Variants in AMMECR1 observed in about 807,000 individuals in gnomAD.
AMMECR1 encodes the protein nuclear protein AMMECR1.
In AMMECR1, 3 loss-of-function variants were observed where a neutral mutation model predicts 22.5. That is an observed-to-expected ratio of 0.13 (90% confidence interval 0.06 to 0.35). AMMECR1 has a LOEUF of 0.35. AMMECR1 is among the 10% of genes least tolerant of loss of function. AMMECR1 has a pLI of 1.00. For synonymous variants in AMMECR1, 130 were observed against 116.7 expected (o/e 1.11, Z -0.74); for missense variants, 235 against 278.7 (o/e 0.84, Z 1.12).
chrX:110,358,988 C>G (rs2068245059), intron 2 of AMMECR1: 1 of 112,011 alleles, frequency 8.9e-6, no homozygotes, highest in African/African-American at 3.2e-5. Flanking sequence ...CTGGTCTGCA[C>G]TGCTCTAAGT....
chrX:110,343,382 T>C (rs1475707391), intron 2 of AMMECR1, among the ~76,000 whole-genome samples: 4 of 111,314 alleles, frequency 3.6e-5, no homozygotes, highest in Non-Finnish European at 7.5e-5. Context: ...CCACAGCCAA[T>C]ATAATACTGA....
intron 2 of AMMECR1, among the ~76,000 whole-genome samples, chrX:110,392,641 C>T (rs1202343689): frequency 1.8e-5 from 2 of 111,112 alleles, no homozygotes; most frequent in Non-Finnish European, 1.9e-5. Context: ...CAAGGGCTCA[C>T]GCAAGAGTGC....
At chrX:110,423,627 G>C (rs2068734729) in intron 2 of AMMECR1, among the ~76,000 whole-genome samples, 1 of 112,324 alleles carries the variant, frequency 8.9e-6, no homozygotes, top group Non-Finnish European at 1.9e-5. Context: ...TTTGGGAGAA[G>C]GGTAGGAAAG....
intron 2 of AMMECR1, among the ~76,000 whole-genome samples, chrX:110,337,920 G>T (rs1436906164): frequency 8.9e-6 from 1 of 112,355 alleles, no homozygotes; most frequent in Non-Finnish European, 1.9e-5. Flanking sequence ...GCTACAGCAT[G>T]GGTGAACCTT....
intron 2 of AMMECR1, among the ~76,000 whole-genome samples, chrX:110,418,369 AG>A (rs1054759565): frequency 2.7e-5 from 3 of 112,344 alleles, no homozygotes; most frequent in Non-Finnish European, 5.6e-5. Flanking sequence ...CTGTGCTGAG[AG>A]CTGCGGTGAA....
chrX:110,378,128 T>C (rs149957477), intron 2 of AMMECR1, among the ~76,000 whole-genome samples: 1,402 of 111,750 alleles, frequency 0.013, 15 homozygotes, highest in Middle Eastern at 0.037. Flanking sequence ...ACATAAATCT[T>C]GCGTTATTCT....
intron 2 of AMMECR1, among the ~76,000 whole-genome samples, chrX:110,226,368 G>A (rs1331269553): frequency 8.9e-6 from 1 of 111,891 alleles, no homozygotes; most frequent in East Asian, 2.8e-4. Context: ...CACTTTGGGA[G>A]GCCAAGGCAG....
intron 2 of AMMECR1, among the ~76,000 whole-genome samples, chrX:110,377,966 G>A (rs1292888562): frequency 5.6e-5 from 5 of 89,225 alleles, no homozygotes; most frequent in African/African-American, 9.5e-5. Flanking sequence ...CCGAGATCGC[G>A]CCACTGCACT....
chrX:110,286,770 T>C (rs1261650987), intron 1 of AMMECR1, among the ~76,000 whole-genome samples: 1 of 110,842 alleles, frequency 9.0e-6, no homozygotes, highest in Non-Finnish European at 1.9e-5. Context: ...CATAAATTCA[T>C]TGGCCATCTG....
At chrX:110,265,031 G>C (rs1393781428) in intron 1 of AMMECR1, among the ~76,000 whole-genome samples, 1 of 111,335 alleles carries the variant, frequency 9.0e-6, no homozygotes, top group African/African-American at 3.3e-5. Context: ...TTATTTGTAA[G>C]TCTAATTTGG....
Position 110,202,495 on chromosome X carries a change from T to C in AMMECR1, c.741A>G (p.Lys247=). The C allele has an allele frequency of 8.3e-7, 1 of 1,206,298 alleles. No individual in the cohort carries two copies. The highest frequency in any genetic ancestry group is 1.8e-5 in the South Asian group (1 of 56,520). ...GGTAGGTGGCGGTGCGTTTTGATCC[T>C]TTTTCATTGATGAATTCTATTCTAA... ...HGIRIEFINE[K]GSKRTATYLP... Residue 247 remains lysine (K), a synonymous_variant, in exon 4 of 6, where the codon AAA becomes AAG. Transcript: ENST00000262844.
chrX:110,416,746 T>C (rs945736763), intron 2 of AMMECR1, among the ~76,000 whole-genome samples: 1 of 111,392 alleles, frequency 9.0e-6, no homozygotes, highest in African/African-American at 3.3e-5. Context: ...TCCTGTGGGG[T>C]TGGTGGGAAG....
intron 2 of AMMECR1, among the ~76,000 whole-genome samples, chrX:110,260,242 G>A (rs2067733215): frequency 9.0e-6 from 1 of 111,311 alleles, no homozygotes; most frequent in Non-Finnish European, 1.9e-5. Context: ...ATTTATAATA[G>A]TTCCATGTAC....
intron 2 of AMMECR1, among the ~76,000 whole-genome samples, chrX:110,408,430 T>C (rs2068617908): frequency 8.9e-6 from 1 of 112,401 alleles, no homozygotes. Flanking sequence ...ACTTGCAAAA[T>C]GAAAAATAGT....
At position 110,349,563 on chromosome X, in the gene AMMECR1, G is replaced by A. The variant is rs2206327; in HGVS notation, c.-147-31714C>T. Among the ~76,000 whole-genome samples the A allele has an allele frequency of 2.6e-3, 286 of 111,827 alleles. 2 individuals are homozygous for A. The highest frequency in any genetic ancestry group is 0.018 in the South Asian group (47 of 2,632). On this transcript the variant is annotated intron_variant, in intron 2 of 7. Transcript: ENST00000372057. ...TCAGCTGGTAAAAGCAGTTGGGCAG[G>A]AATTTCAACCTGGATTTATCTGGCT...
intron 2 of AMMECR1, among the ~76,000 whole-genome samples, chrX:110,385,766 CACCCAG>C (rs750132317): frequency 2.7e-5 from 3 of 110,787 alleles, no homozygotes; most frequent in Non-Finnish European, 5.7e-5. Context: ...CTGATCCCAT[CACCCAG>C]ACAGTGAGCA....
intron 1 of AMMECR1, among the ~76,000 whole-genome samples, chrX:110,273,453 G>C (rs927572646): frequency 2.7e-5 from 3 of 111,839 alleles, no homozygotes; most frequent in Non-Finnish European, 1.9e-5. Flanking sequence ...TAGGTTCTCT[G>C]TTTACTCTGT....
intron 1 of AMMECR1, among the ~76,000 whole-genome samples, chrX:110,427,279 C>G (rs1426828470): frequency 8.9e-6 from 1 of 112,049 alleles, no homozygotes; most frequent in African/African-American, 3.2e-5. Flanking sequence ...TTTCACACCT[C>G]CATCCCCTCC....
chrX:110,440,131 G>A (rs1171044714), exon 1 of AMMECR1: 3 of 111,058 alleles, frequency 2.7e-5, no homozygotes, highest in South Asian at 7.8e-4. Context: ...GGTGCTGGCA[G>A]CCACACTGCT....
Sources: gnomAD v4.1 joint callset for allele counts (sites outside exome capture counted in the v4.1 genomes callset) on GRCh38, gnomAD v4.1.1 for gene constraint, MANE v1.5 for transcripts, NCBI Gene and HGNC (gene_info 2026-07-23, HGNC 2026-07-21) for gene names.